TOP3A: variants seen among roughly 807,000 people sequenced by gnomAD.
TOP3A encodes DNA topoisomerase III alpha.
In TOP3A, 64 loss-of-function variants were observed where a neutral mutation model predicts 111.3. That is an observed-to-expected ratio of 0.57 (90% CI 0.47 to 0.71). The LOEUF (loss-of-function observed/expected upper bound fraction) is 0.71, where lower values mean the gene tolerates loss of function less well. Among genes scored for constraint, TOP3A ranks in the 30% least tolerant of loss-of-function variants. The pLI, the probability that TOP3A is intolerant of heterozygous loss-of-function variation, is 0.00. For missense variants in TOP3A, 1,104 were observed against 1,285.0 expected (o/e 0.86, Z 2.15); for synonymous variants, 484 against 485.1 (o/e 1.00, Z 0.03).
chr17:18,290,821 C>A (rs771662166), intron 12 of TOP3A, 21 bp downstream of exon 12: 1 of 1,610,706 alleles, frequency 6.2e-7, no homozygotes, highest in Non-Finnish European at 8.5e-7. Context: ...CTCCCTCTCA[C>A]TGGGGACCAC....
intron 18 of TOP3A, among the ~76,000 whole-genome samples, chr17:18,275,765 T>C (rs1281011254): frequency 1.3e-5 from 2 of 151,844 alleles, no homozygotes; most frequent in Admixed American, 6.6e-5. Context: ...GCCATTGTCC[T>C]GTCTCAGCCT....
At chr17:18,291,980 G>A (rs1980504409) in intron 11 of TOP3A, among the ~76,000 whole-genome samples, 1 of 152,080 alleles carries the variant, frequency 6.6e-6, no homozygotes, top group Non-Finnish European at 1.5e-5. Context: ...CCACAGTGTT[G>A]GGATTACAAG....
At position 18,299,628 on chromosome 17, in the gene TOP3A, G is replaced by A; in HGVS notation, c.921C>T (p.Pro307=). Reference sequence around the variant, plus strand: ...ATCTGACCTCTACCACAGTTGCCATGGGATCCTAGAAAGCCAGGAAAGAAA... The same window carrying A: ...ATCTGACCTCTACCACAGTTGCCATAGGATCCTAGAAAGCCAGGAAAGAAA... The part of the protein sequence containing the change: ...LVLYQLCVED[P]MATVVEVRSK... The change falls in exon 9 of 19, where the codon CCC becomes CCT. Residue 307 remains proline (P), a synonymous_variant. Transcript: ENST00000321105. The A allele has an allele frequency of 1.2e-6, 2 of 1,613,962 alleles. 1 individual carries two copies. The highest frequency in any genetic ancestry group is 1.7e-6 in the Non-Finnish European group (2 of 1,179,892).
chr17:18,301,973 T>G lies in TOP3A; in HGVS notation c.827A>C (p.His276Pro). 6.2e-7 allele frequency: 1 copy of G among 1,614,124 alleles called. No homozygotes were observed. Among genetic ancestry groups the G allele is most frequent in the Middle Eastern group, 1.6e-4 (1 of 6,062 alleles). The change falls in exon 8 of 19, where the codon CAC (histidine) becomes CCC (proline). Residue 276 changes from histidine to proline, a missense_variant. Physicochemically the swap from His to Pro is moderately conservative, Grantham distance 77. Transcript: ENST00000321105. The part of the protein sequence containing the change: ...IFHRIKVTHD[H>P]KDGIVEFNWK... Reference sequence around the variant, plus strand: ...GTTGAATTCTACGATACCATCTTTGTGGTCATGAGTTACTATATTAAGGAG... The same window carrying G: ...GTTGAATTCTACGATACCATCTTTGGGGTCATGAGTTACTATATTAAGGAG...
intron 13 of TOP3A, among the ~76,000 whole-genome samples, chr17:18,286,751 A>C (rs887499358): frequency 4.6e-5 from 7 of 152,154 alleles, no homozygotes; most frequent in Non-Finnish European, 7.4e-5. Flanking sequence ...TCCTAAGTCT[A>C]CCCAAGAGAA....
chr17:18,278,484 G>T, intron 17 of TOP3A, 127 bp from the exon 18 acceptor site: 2 of 807,192 alleles, frequency 2.5e-6, no homozygotes, highest in Non-Finnish European at 3.6e-6. Flanking sequence ...GCCCACACAA[G>T]TCCCCTGTGA....
At chr17:18,309,641 C>G (rs1412040667) in intron 1 of TOP3A, among the ~76,000 whole-genome samples, 2 of 146,582 alleles carry the variant, frequency 1.4e-5, no homozygotes, top group Non-Finnish European at 3.0e-5. Flanking sequence ...GAGACTGTCT[C>G]AAAAAACAAA....
At chr17:18,308,464 G>T in intron 2 of TOP3A, 40 bp from the exon 3 acceptor site, 2 of 1,424,638 alleles carry the variant, frequency 1.4e-6, no homozygotes, top group Non-Finnish European at 9.8e-7. Flanking sequence ...TAGTCTTTTT[G>T]CAGTTATTAT....
chr17:18,284,084 C>G (rs1429176024), intron 15 of TOP3A, among the ~76,000 whole-genome samples: 1 of 152,190 alleles, frequency 6.6e-6, no homozygotes, highest in Non-Finnish European at 1.5e-5. Context: ...ATTGCAACCT[C>G]CACCTTCCGG....
In TOP3A at chr17:18,290,606, C is replaced by T. The variant is rs1447373132; in HGVS notation, c.1548G>A (p.Lys516=). ...CAATGAGGTCGGCCTCGGTGAGCAG[C>T]TTGGGTGGGCTGGTCTCCCCGTCCA... The part of the protein sequence containing the change: ...EMVDGETSPP[K]LLTEADLIAL... Residue 516 remains lysine (K), a synonymous_variant, in exon 13 of 19, where the codon AAG becomes AAA. Transcript: ENST00000321105. The T allele has an allele frequency of 1.2e-6, 2 of 1,610,974 alleles. No homozygotes were observed. Among genetic ancestry groups the T allele is most frequent in the Non-Finnish European group, 1.7e-6 (2 of 1,178,126 alleles).
chr17:18,308,715 T>C (rs1038181788), intron 2 of TOP3A, 167 bp downstream of exon 2: 1 of 492,054 alleles, frequency 2.0e-6, no homozygotes. Context: ...CATATTTTAT[T>C]AAAAAGAGAA....
At chr17:18,278,822 A>T (rs1313704973) in intron 17 of TOP3A, among the ~76,000 whole-genome samples, 1 of 152,066 alleles carries the variant, frequency 6.6e-6, no homozygotes. Flanking sequence ...TACCAAAAAT[A>T]CAAAAATTAG....
Position 18,314,643 on chromosome 17 carries a change from C to T in TOP3A, c.136G>A (p.Ala46Thr). 1 of 1,613,446 alleles carries T rather than the reference C, an allele frequency of 6.2e-7. No individual in the cohort carries two copies. The highest frequency in any genetic ancestry group is 8.5e-7 in the Non-Finnish European group (1 of 1,179,710). Residue 46 changes from alanine (A) to threonine (T), a missense_variant, in exon 1 of 19, where the codon GCC (alanine) becomes ACC (threonine). Ala to Thr is a moderately conservative substitution (Grantham distance 58). Transcript: ENST00000321105. ...GACAGCAGGTCGGCGATCCCCTTGG[C>T]CGCGTCGTTTTTTTCGGCCACACAG... is the stretch of plus-strand genomic sequence containing the variant. ...VLCVAEKNDAAKGIADLLSNG... is the reference protein window; with the variant it reads ...VLCVAEKNDATKGIADLLSNG...
chr17:18,296,148 C>A (rs916193363), intron 9 of TOP3A, among the ~76,000 whole-genome samples: 1 of 152,220 alleles, frequency 6.6e-6, no homozygotes, highest in East Asian at 1.9e-4. Flanking sequence ...GAATACCACC[C>A]AAGCCCCAGT....
chr17:18,274,613 C>T lies in TOP3A; in HGVS notation c.*189G>A, dbSNP rs1979212457. The T allele has an allele frequency of 2.1e-6, 2 of 973,100 alleles. No individual in the cohort carries two copies. Among genetic ancestry groups the T allele is most frequent in the African/African-American group, 1.6e-5 (1 of 61,014 alleles). The allele number at this position is 973,100 out of a possible 1,614,324, so 60.3% of individuals were successfully genotyped here. On this transcript the variant is annotated 3_prime_UTR_variant, in exon 19 of 19. Transcript: ENST00000321105. ...GAGGCCTGGGAAGAGGGTCACTGTC[C>T]AGCAGAGCTGGCCTGCTCCAGAGTG...
At chr17:18,287,896 G>A (rs767143849) in intron 13 of TOP3A, among the ~76,000 whole-genome samples, 156 of 151,688 alleles carry the variant, frequency 1.0e-3, no homozygotes, top group South Asian at 1.5e-3. Flanking sequence ...TACTCGGGAG[G>A]CTGAGACAGG....
Position 18,294,705 on chromosome 17 carries a change from T to C in TOP3A, c.1071A>G (p.Gln357=), listed in dbSNP as rs532541942. Residue 357 remains glutamine (Q), a splice_region_variant and synonymous_variant, in exon 10 of 19, where the codon CAA becomes CAG. Coordinates refer to ENST00000321105, the MANE Select transcript of TOP3A (RefSeq NM_004618.5). Reference sequence around the variant, plus strand: ...ACTCCCAAACCCAAAATACTTACCCTTGAGTGTAGAGCTTCTCAGCAATCC... The same window carrying C: ...ACTCCCAAACCCAAAATACTTACCCCTGAGTGTAGAGCTTCTCAGCAATCC... ...TMRIAEKLYT[Q]GYISYPRTET... is the part of the protein sequence containing the mutation. 9.9e-6 allele frequency: 16 copies of C among 1,610,336 alleles called. No individual in the cohort carries two copies. The South Asian group carries it at 1.5e-4, about 15-fold the overall frequency.
rs750006328 is a variant in TOP3A at position 18,280,561 on chromosome 17, C to G, written c.2119G>C (p.Val707Leu). The change falls in exon 17 of 19, where the codon GTT becomes CTT. Residue 707 changes from valine (V) to leucine (L), a missense_variant. By Grantham distance (32) the Val-to-Leu change is conservative. Transcript: ENST00000321105. ...EASRDSSVCP[V>L]CQPHPVYRLK... ...CTGTACACAGGGTGTGGCTGACAAA[C>G]TGGACACACACTGCTGTCCCTGCTG... 1.2e-6 allele frequency: 2 copies of G among 1,613,796 alleles called. No homozygotes were observed. The highest frequency in any genetic ancestry group is 2.2e-5 in the South Asian group (2 of 91,046).
In TOP3A at chr17:18,280,713, T is replaced by C. The variant is rs1361919123; in HGVS notation, c.2022-55A>G. On this transcript the variant is annotated intron_variant, in intron 16 of 18. Coordinates refer to ENST00000321105, the MANE Select transcript of TOP3A (RefSeq NM_004618.5). Reference sequence around the variant, plus strand: ...GGAGTGCAGGAGATGCTCTCCGCTGTTGGCCATCAGCTAAGGCAGCCTTTC... The same window carrying C: ...GGAGTGCAGGAGATGCTCTCCGCTGCTGGCCATCAGCTAAGGCAGCCTTTC... The C allele has an allele frequency of 3.8e-6, 6 of 1,596,674 alleles. No individual in the cohort carries two copies. In the Admixed American group the frequency reaches 6.8e-5, roughly 18 times the overall value.
Sources: allele counts gnomAD v4.1 joint callset (sites outside exome capture counted in the v4.1 genomes callset), GRCh38; gene constraint gnomAD v4.1.1; transcripts MANE v1.5; gene names NCBI Gene and HGNC (gene_info 2026-07-23, HGNC 2026-07-21).